SPRR2G: variants seen among roughly 807,000 people sequenced by gnomAD.
The protein encoded by SPRR2G is small proline-rich protein 2G.
SPRR2G carries 1 observed loss-of-function variant against 0.7 expected under a neutral mutation model. The observed-to-expected ratio is 1.49, with a 90% CI of 0.53 to 7.06. The LOEUF (loss-of-function observed/expected upper bound fraction) is 7.06. Among genes scored for constraint, SPRR2G ranks in the 30% most tolerant of loss-of-function variants. The pLI is 0.14. For synonymous variants in SPRR2G, 38 were observed against 33.9 expected (o/e 1.12, Z -0.42); for missense variants, 96 against 88.5 (o/e 1.09, Z -0.34).
At chr1:153,156,738 G>A in the SPRR2G span, among the ~76,000 whole-genome samples, 1 of 151,956 alleles carries the variant, frequency 6.6e-6, no homozygotes, top group African/African-American at 2.4e-5. Context: ...GGACAGAAAA[G>A]GCAAAAGAGA....
chr1:153,171,571 A>G, the SPRR2G span, among the ~76,000 whole-genome samples: 1 of 152,070 alleles, frequency 6.6e-6, no homozygotes. Context: ...CACTACGGAC[A>G]TTTCTTCAGC....
the SPRR2G span, among the ~76,000 whole-genome samples, chr1:153,179,121 A>T: frequency 2.0e-5 from 3 of 152,188 alleles, no homozygotes; most frequent in African/African-American, 7.2e-5. Context: ...ACTCTGTCAT[A>T]GGCTGAAGCT....
chr1:153,183,776 A>G, the SPRR2G span, among the ~76,000 whole-genome samples: 109 of 152,300 alleles, frequency 7.2e-4, 3 homozygotes, highest in East Asian at 0.016. Flanking sequence ...TTAGTGTTTC[A>G]GTCATGAAGT....
the SPRR2G span, among the ~76,000 whole-genome samples, chr1:153,197,157 T>C: frequency 7.0e-6 from 1 of 143,256 alleles, no homozygotes; most frequent in Non-Finnish European, 1.5e-5. Context: ...TGTGTGTGTG[T>C]GTGTGTGTGT....
At chr1:153,194,351 C>T in the SPRR2G span, among the ~76,000 whole-genome samples, 1 of 152,208 alleles carries the variant, frequency 6.6e-6, no homozygotes, top group Admixed American at 6.5e-5. Context: ...TGCCTCCCAT[C>T]AAATTATTCT....
the SPRR2G span, among the ~76,000 whole-genome samples, chr1:153,183,238 C>T: frequency 6.9e-6 from 1 of 144,434 alleles, no homozygotes; most frequent in Non-Finnish European, 1.5e-5. Context: ...CAGGCATGCG[C>T]CACCACACCC....
the SPRR2G span, among the ~76,000 whole-genome samples, chr1:153,199,389 C>A: frequency 6.6e-6 from 1 of 152,222 alleles, no homozygotes; most frequent in East Asian, 1.9e-4. Flanking sequence ...CTGTGGCCAA[C>A]ACCCAGCCAG....
the SPRR2G span, among the ~76,000 whole-genome samples, chr1:153,193,293 A>C: frequency 6.6e-6 from 1 of 152,176 alleles, no homozygotes; most frequent in Admixed American, 6.5e-5. Flanking sequence ...GGATTTCCAC[A>C]GCACGCTGAA....
At chr1:153,174,673 T>C in the SPRR2G span, 2 of 152,202 alleles carry the variant, frequency 1.3e-5, no homozygotes, top group East Asian at 1.9e-4. Flanking sequence ...GGTTCTACCT[T>C]GGGGAGAAGG....
the SPRR2G span, among the ~76,000 whole-genome samples, chr1:153,197,667 G>T: frequency 1.3e-5 from 2 of 152,212 alleles, no homozygotes; most frequent in African/African-American, 4.8e-5. Context: ...AACAGGTGGG[G>T]AGTCAATCCA....
intron 1 of SPRR2G, among the ~76,000 whole-genome samples, 163 bp downstream of exon 1, chr1:153,150,689 T>C (rs1320014006): frequency 6.6e-6 from 1 of 152,226 alleles, no homozygotes; most frequent in Non-Finnish European, 1.5e-5. Context: ...ATCACCTTCA[T>C]GTTTATCTAC....
At chr1:153,171,472 T>C in the SPRR2G span, among the ~76,000 whole-genome samples, 21 of 152,328 alleles carry the variant, frequency 1.4e-4, no homozygotes, top group African/African-American at 4.8e-4. Context: ...TTATACGGAC[T>C]TGTGTGATCA....
rs1473512430 is a variant in SPRR2G at position 153,150,068 on chromosome 1, G to A, written c.43C>T (p.Pro15Ser). ...QQQCKQPCQP[P>S]PVCPTPKCPE... is the part of the protein sequence containing the mutation. ...CACTTTGGCGTGGGGCACACAGGAGGTGGCTGGCAGGGCTGCTTGCACTGC... is the reference window on the plus strand; with the variant it reads ...CACTTTGGCGTGGGGCACACAGGAGATGGCTGGCAGGGCTGCTTGCACTGC... The change falls in exon 2 of 2, where the codon CCT (proline) becomes TCT (serine). Residue 15 changes from proline (P) to serine (S), a missense_variant. By Grantham distance (74) the Pro-to-Ser change is moderately conservative (BLOSUM62 -1). Coordinates refer to ENST00000368748, the MANE Select transcript of SPRR2G (RefSeq NM_001014291.4). The A allele has an allele frequency of 1.2e-6, 2 of 1,612,984 alleles. No individual in the cohort carries two copies. The highest frequency in any genetic ancestry group is 1.7e-6 in the Non-Finnish European group (2 of 1,179,874).
chr1:153,155,204 A>G (rs369856206), upstream of SPRR2G, among the ~76,000 whole-genome samples: 10 of 152,146 alleles, frequency 6.6e-5, 1 homozygote, highest in African/African-American at 2.2e-4. Context: ...GCACTCCAGA[A>G]CTCACTTCAA....
the SPRR2G span, among the ~76,000 whole-genome samples, chr1:153,188,899 G>A: frequency 2.0e-5 from 3 of 152,202 alleles, no homozygotes; most frequent in Admixed American, 1.3e-4. Flanking sequence ...CCTTTGGCTA[G>A]GGACGGTAGT....
At chr1:153,180,989 A>T in the SPRR2G span, among the ~76,000 whole-genome samples, 1 of 151,806 alleles carries the variant, frequency 6.6e-6, no homozygotes, top group Non-Finnish European at 1.5e-5. Context: ...TTGATCTGTG[A>T]GTAGGAACAC....
chr1:153,155,795 A>G (rs1235464265), upstream of SPRR2G, among the ~76,000 whole-genome samples: 2 of 152,104 alleles, frequency 1.3e-5, no homozygotes, highest in Non-Finnish European at 2.9e-5. Flanking sequence ...GTAATATGCC[A>G]TATTATTATT....
the SPRR2G span, among the ~76,000 whole-genome samples, chr1:153,188,442 C>T: frequency 1.2e-4 from 19 of 152,118 alleles, no homozygotes; most frequent in Non-Finnish European, 2.4e-4. Context: ...TGGCCACAGC[C>T]GCTTTGCCAT....
the SPRR2G span, among the ~76,000 whole-genome samples, chr1:153,189,126 T>G: frequency 6.6e-6 from 1 of 152,184 alleles, no homozygotes; most frequent in African/African-American, 2.4e-5. Context: ...TTTAAGAAAT[T>G]TTTTATCTAT....
Sources: gnomAD v4.1 joint callset for allele counts (sites outside exome capture counted in the v4.1 genomes callset) on GRCh38, gnomAD v4.1.1 for gene constraint, MANE v1.5 for transcripts, NCBI Gene and HGNC (gene_info 2026-07-23, HGNC 2026-07-21) for gene names.